SIL1: variants seen among roughly 807,000 people sequenced by gnomAD.
SIL1 encodes the protein nucleotide exchange factor SIL1.
A neutral mutation model predicts 49.1 loss-of-function variants in SIL1; 40 were observed. The observed-to-expected ratio is 0.81, with a 90% CI of 0.63 to 1.06. The LOEUF (loss-of-function observed/expected upper bound fraction) is 1.06, where lower values mean the gene tolerates loss of function less well. SIL1 is among the 50% of genes least tolerant of loss of function. The pLI is 0.00. For missense variants in SIL1, 500 were observed against 572.6 expected, an observed-to-expected ratio of 0.87 and a Z score of 1.29; for synonymous variants, 253 against 250.8, an observed-to-expected ratio of 1.01 and a Z score of -0.08.
chr5:139,069,626 AAAAAAATACTT>A (rs1769785162), intron 3 of SIL1, among the ~76,000 whole-genome samples: 1 of 152,196 alleles, frequency 6.6e-6, no homozygotes, highest in African/African-American at 2.4e-5. Context: ...TCCTGAAATG[AAAAAAATACTT>A]AAAACTATGT....
intron 7 of SIL1, among the ~76,000 whole-genome samples, chr5:138,973,701 C>T (rs1423875773): frequency 1.8e-4 from 27 of 152,170 alleles, no homozygotes; most frequent in Admixed American, 1.7e-3. Flanking sequence ...CTTCCCGCCT[C>T]CCAGAATGCT....
intron 3 of SIL1, among the ~76,000 whole-genome samples, chr5:139,116,388 T>G (rs981856184): frequency 2.0e-5 from 3 of 152,210 alleles, no homozygotes; most frequent in Non-Finnish European, 4.4e-5. Context: ...GGGCTCTTTG[T>G]GCTAATGCCA....
chr5:138,983,110 A>G (rs1767564936), intron 7 of SIL1, among the ~76,000 whole-genome samples: 1 of 149,154 alleles, frequency 6.7e-6, no homozygotes, highest in Admixed American at 6.8e-5. Flanking sequence ...GAGGCACGAG[A>G]ATCACTTGAA....
chr5:139,109,071 C>A (rs1222525174), intron 3 of SIL1, among the ~76,000 whole-genome samples: 1 of 152,154 alleles, frequency 6.6e-6, no homozygotes, highest in African/African-American at 2.4e-5. Context: ...CCCTTAACTT[C>A]AAAACTAAGA....
Position 139,146,057 on chromosome 5 carries a change from C to A in SIL1, c.-10-18204G>T, listed in dbSNP as rs1399052809. On this transcript the variant is annotated intron_variant, in intron 1 of 9. Transcript: ENST00000394817. The stretch of plus-strand genomic sequence containing the variant: ...TGGGGTCTCACTATATTGCCCAGGG[C>A]AGTCTCAAACTTCTGGGGTCAAGTG... 2.0e-5 allele frequency among the ~76,000 whole-genome samples: 3 copies of A among 152,136 alleles called. No individual in the cohort carries two copies. In the East Asian group the frequency reaches 5.8e-4, roughly 30 times the overall value.
chr5:139,028,445 C>T (rs948947659), intron 5 of SIL1, among the ~76,000 whole-genome samples: 9 of 152,074 alleles, frequency 5.9e-5, no homozygotes, highest in Admixed American at 2.6e-4. Context: ...TTGCAGTGAG[C>T]GGAGATCGTG....
intron 7 of SIL1, chr5:139,013,739 A>ATG (rs1238897518): frequency 2.0e-5 from 3 of 152,226 alleles, no homozygotes; most frequent in Non-Finnish European, 4.4e-5. Context: ...TTCTTGGGAA[A>ATG]TGTGCTATTT....
intron 1 of SIL1, among the ~76,000 whole-genome samples, chr5:139,143,298 T>C (rs866868174): frequency 1.0e-4 from 11 of 108,388 alleles, no homozygotes; most frequent in Non-Finnish European, 1.7e-4. Context: ...CATGTGTATA[T>C]ACATATATAC....
intron 3 of SIL1, among the ~76,000 whole-genome samples, chr5:139,107,028 G>A (rs1770728898): frequency 6.6e-6 from 1 of 152,198 alleles, no homozygotes; most frequent in Non-Finnish European, 1.5e-5. Context: ...CAAGTGCCCT[G>A]ATCACTCAGC....
chr5:139,057,060 G>C (rs1478187660), intron 3 of SIL1, among the ~76,000 whole-genome samples: 1 of 152,026 alleles, frequency 6.6e-6, no homozygotes, highest in Non-Finnish European at 1.5e-5. Context: ...TGTCCACTCA[G>C]GGTTAAATGG....
In SIL1 at chr5:139,120,439, A is replaced by T. The variant is rs1274132557; in HGVS notation, c.244+596T>A. Among the ~76,000 whole-genome samples, 4 of 152,220 alleles carry T rather than the reference A, an allele frequency of 2.6e-5. No homozygotes were observed. In the East Asian group the frequency reaches 7.7e-4, roughly 29 times the overall value. On this transcript the variant is annotated intron_variant, in intron 3 of 9. Coordinates refer to ENST00000394817, the MANE Select transcript of SIL1 (RefSeq NM_022464.5). ...ATTATTGTGAAAATTCAACAAGATT[A>T]TGCATACGAAGCACCTAGTACAGTA...
intron 3 of SIL1, among the ~76,000 whole-genome samples, chr5:139,071,419 G>A (rs1307224921): frequency 6.6e-6 from 1 of 152,190 alleles, no homozygotes; most frequent in African/African-American, 2.4e-5. Context: ...GGAGGGACCT[G>A]CTGAAGTGCT....
At position 139,097,001 on chromosome 5, in the gene SIL1, A is replaced by G. The variant is rs561070551; in HGVS notation, c.244+24034T>C. Among the ~76,000 whole-genome samples the G allele has an allele frequency of 2.0e-5, 3 of 152,080 alleles. No homozygotes were observed. In the East Asian group the frequency reaches 5.8e-4, roughly 30 times the overall value. On this transcript the variant is annotated intron_variant, in intron 3 of 9. Coordinates refer to ENST00000394817, the MANE Select transcript of SIL1 (RefSeq NM_022464.5). ...CCCAGGCCAGGCAGCATTTACCACA[A>G]GCTGACTTAAGAGCCCTTGGGCCTT...
chr5:138,947,618 C>A lies in SIL1; in HGVS notation c.1030-145G>T, dbSNP rs575709811. ...CTGAGGGCCCACCTCTTCCTCTATC[C>A]CCAAGTCTGTCTGTCTATTCATTCA... On this transcript the variant is annotated intron_variant, in intron 9 of 9. Coordinates refer to ENST00000394817, the MANE Select transcript of SIL1 (RefSeq NM_022464.5). The surrounding 1 kb of genome is among the most constrained non-coding windows in gnomAD (Gnocchi z 4.1). 4.9e-5 allele frequency: 34 copies of A among 694,148 alleles called. No homozygotes were observed. The highest frequency in any genetic ancestry group is 1.3e-4 in the Admixed American group (6 of 47,472). 43.0% of individuals were successfully genotyped at this position (694,148 alleles called of 1,614,324 possible). A position where few individuals can be genotyped will look rare whatever the true frequency, so the allele number is the denominator to read the frequency against.
At chr5:138,990,014 C>T (rs1044854046) in intron 7 of SIL1, among the ~76,000 whole-genome samples, 1 of 152,130 alleles carries the variant, frequency 6.6e-6, no homozygotes, top group Non-Finnish European at 1.5e-5. Context: ...GAAAGGCATG[C>T]GTGCGACAGG....
At chr5:139,035,118 G>C in intron 5 of SIL1, 1 of 266,912 alleles carries the variant, frequency 3.7e-6, no homozygotes. Context: ...GTTGTCAAAT[G>C]AACCTTTATT....
intron 4 of SIL1, among the ~76,000 whole-genome samples, chr5:139,047,503 T>C (rs1031625687): frequency 1.3e-5 from 2 of 152,242 alleles, no homozygotes; most frequent in Admixed American, 6.5e-5. Flanking sequence ...CCCATCTCCC[T>C]CTAGGCCAAT....
At position 139,021,205 on chromosome 5, in the gene SIL1, A is replaced by G. The variant is rs766483008; in HGVS notation, c.733T>C (p.Tyr245His). 2 of 1,614,012 alleles carry G rather than the reference A, an allele frequency of 1.2e-6. No individual in the cohort carries two copies. Among genetic ancestry groups the G allele is most frequent in the Admixed American group, 3.3e-5 (2 of 60,000 alleles). Residue 245 changes from tyrosine (Y) to histidine (H), a missense_variant, in exon 7 of 10, where the codon TAT becomes CAT. Tyr to His is a moderately conservative substitution (Grantham distance 83). Coordinates refer to ENST00000394817, the MANE Select transcript of SIL1 (RefSeq NM_022464.5). ...GCAGCGCCCAGCACAAACGCAGCAT[A>G]CTCCTTCACGAGGGGCTCTGTGCTG... ...LNSTEPLVKE[Y>H]AAFVLGAAFS...
intron 1 of SIL1, among the ~76,000 whole-genome samples, chr5:139,189,230 T>C (rs1392854356): frequency 6.6e-6 from 1 of 152,162 alleles, no homozygotes; most frequent in Non-Finnish European, 1.5e-5. Context: ...GAGCAGCAAG[T>C]GAGTGAGCAA....
Sources: gnomAD v4.1 joint callset for allele counts (sites outside exome capture counted in the v4.1 genomes callset) on GRCh38, gnomAD v4.1.1 for gene constraint, Gnocchi (gnomAD v3.1) non-coding constraint, MANE v1.5 for transcripts, NCBI Gene and HGNC (gene_info 2026-07-23, HGNC 2026-07-21) for gene names.